Variants in CUL3 observed in about 807,000 individuals in gnomAD.
The protein encoded by CUL3 is cullin-3.
A neutral mutation model predicts 89.1 loss-of-function variants in CUL3; 19 were observed. That is an observed-to-expected ratio of 0.21 (90% CI 0.15 to 0.31). The LOEUF (loss-of-function observed/expected upper bound fraction) is 0.31, where lower values mean the gene tolerates loss of function less well. Among genes scored for constraint, CUL3 ranks in the 10% least tolerant of loss-of-function variants. The pLI is 1.00. For synonymous variants in CUL3, 351 were observed against 308.4 expected, an observed-to-expected ratio of 1.14 and a Z score of -1.45; for missense variants, 469 against 942.3, an observed-to-expected ratio of 0.50 and a Z score of 6.58.
At chr2:224,557,058 G>T (rs1694734582) in intron 2 of CUL3, among the ~76,000 whole-genome samples, 1 of 151,978 alleles carries the variant, frequency 6.6e-6, no homozygotes, top group African/African-American at 2.4e-5. Context: ...GCAAGGCATT[G>T]TAATAAAATT....
At chr2:224,480,190 T>C (rs1691481642) in intron 14 of CUL3, 1 of 152,378 alleles carries the variant, frequency 6.6e-6, no homozygotes, top group Non-Finnish European at 1.5e-5. Flanking sequence ...TTTCAAAGGC[T>C]GTGTTATTTT....
chr2:224,584,551 G>A (rs893849241), intron 1 of CUL3, among the ~76,000 whole-genome samples: 2 of 151,938 alleles, frequency 1.3e-5, no homozygotes, highest in Non-Finnish European at 1.5e-5. Flanking sequence ...GAAACCCCAC[G>A]TGAAAAGTTC....
At chr2:224,514,591 G>C (rs1206368159) in intron 4 of CUL3, 21 bp downstream of exon 4, 1 of 1,590,342 alleles carries the variant, frequency 6.3e-7, no homozygotes, top group Admixed American at 1.7e-5. Flanking sequence ...AAAACCACAA[G>C]AGTAAAGAGA....
chr2:224,517,799 AT>A (rs556739662), intron 3 of CUL3, among the ~76,000 whole-genome samples: 1 of 151,690 alleles, frequency 6.6e-6, no homozygotes, highest in African/African-American at 2.4e-5. Context: ...ATCCTTCTAG[AT>A]TTTTTTTTAC....
chr2:224,566,288 G>A (rs562033867), intron 1 of CUL3, among the ~76,000 whole-genome samples: 20 of 152,254 alleles, frequency 1.3e-4, no homozygotes, highest in Non-Finnish European at 2.2e-4. Flanking sequence ...CACTGTCCAG[G>A]CCAGGCCTTT....
chr2:224,478,137 CA>C (rs1691389964), intron 15 of CUL3, 62 bp downstream of exon 15: 1 of 1,466,500 alleles, frequency 6.8e-7, no homozygotes, highest in South Asian at 1.4e-5. Flanking sequence ...TAGTTGAATA[CA>C]ATAATTTTGT....
At chr2:224,566,794 C>T (rs922612167) in intron 1 of CUL3, among the ~76,000 whole-genome samples, 3 of 152,186 alleles carry the variant, frequency 2.0e-5, no homozygotes, top group Non-Finnish European at 4.4e-5. Flanking sequence ...ACTTTTCTTA[C>T]AGCAATCCTG....
At chr2:224,506,182 A>G in intron 7 of CUL3, 50 bp from the exon 8 acceptor site, 1 of 1,250,308 alleles carries the variant, frequency 8.0e-7, no homozygotes, top group Non-Finnish European at 1.1e-6. Flanking sequence ...TTTTTCCATA[A>G]ATAATACACT....
intron 10 of CUL3, 49 bp downstream of exon 10, chr2:224,502,916 C>T (rs1441895347): frequency 2.2e-6 from 3 of 1,343,944 alleles, no homozygotes; most frequent in Non-Finnish European, 3.2e-6. Flanking sequence ...ATACCCATTA[C>T]AAAAGACTTT....
At chr2:224,583,231 G>C (rs1574713255) in intron 1 of CUL3, among the ~76,000 whole-genome samples, 2 of 152,226 alleles carry the variant, frequency 1.3e-5, no homozygotes, top group Admixed American at 1.3e-4. Context: ...TACGAAATTA[G>C]CCCGGTGTGG....
intron 3 of CUL3, among the ~76,000 whole-genome samples, chr2:224,532,332 A>G (rs1243331358): frequency 1.3e-5 from 2 of 152,122 alleles, no homozygotes; most frequent in African/African-American, 4.8e-5. Flanking sequence ...GTAGTCATTG[A>G]AGGAGGAGGA....
Position 224,482,010 on chromosome 2 carries a change from A to T in CUL3, c.1911T>A (p.Gly637=). ...TTGTAAGAACCCGCTGTGTTGGTTT[A>T]CCACAGGCGAGGGACTGTAGGGCTC... ...LVRALQSLAC[G]KPTQRVLTKE... Residue 637 remains glycine, a synonymous_variant, in exon 14 of 16, where the codon GGT becomes GGA. Transcript: ENST00000264414. 6.2e-7 allele frequency: 1 copy of T among 1,609,224 alleles called. No individual in the cohort carries two copies. The highest frequency in any genetic ancestry group is 8.5e-7 in the Non-Finnish European group (1 of 1,178,120).
intron 9 of CUL3, 33 bp downstream of exon 9, chr2:224,503,619 G>A (rs2106196235): frequency 6.6e-7 from 1 of 1,504,828 alleles, no homozygotes; most frequent in Non-Finnish European, 8.9e-7. Context: ...ACCTCAGTTA[G>A]GTGCACTCTA....
rs182663889 is a variant in CUL3, at chr2:224,471,095, C to T, written c.*3150G>A. On this transcript the variant is annotated 3_prime_UTR_variant, in exon 16 of 16. Coordinates refer to ENST00000264414, the MANE Select transcript of CUL3 (RefSeq NM_003590.5). ...ATGTTAACATTTCTAATTATTTCTG[C>T]TTTGAGGACTAGAAATGACTTCTAA... 2.7e-5 allele frequency: 6 copies of T among 222,504 alleles called. No homozygotes were observed. The Admixed American group carries it at 2.9e-4, about 11-fold the overall frequency. 13.8% of individuals were successfully genotyped at this position (222,504 alleles called of 1,614,324 possible).
In CUL3 at chr2:224,585,104, G is replaced by GGGC. The variant is rs1208490752; in HGVS notation, c.-98_-96dup. ...GCAGGCAGGCTAGGGGCGACGCTGG[G>GGGC]GGCGGCGGCGGCGCGACCCCCGGGC... is the stretch of plus-strand genomic sequence containing the variant. On this transcript the variant is annotated 5_prime_UTR_variant, in exon 1 of 16. Coordinates refer to ENST00000264414, the MANE Select transcript of CUL3 (RefSeq NM_003590.5). 3.0e-6 allele frequency: 3 copies of GGGC among 1,001,600 alleles called. No individual in the cohort carries two copies. The highest frequency in any genetic ancestry group is 3.9e-5 in the South Asian group (2 of 51,368). The allele number at this position is 1,001,600 out of a possible 1,614,324, so 62.0% of individuals were successfully genotyped here. A position where few individuals can be genotyped will look rare whatever the true frequency, so the allele number is the denominator to read the frequency against.
rs1247621034 is a variant in CUL3 at position 224,503,748 on chromosome 2, T to C, written c.1281A>G (p.Val427=). 2 of 1,609,050 alleles carry C rather than the reference T, an allele frequency of 1.2e-6. No individual in the cohort carries two copies. Among genetic ancestry groups the C allele is most frequent in the African/African-American group, 2.7e-5 (2 of 74,752 alleles). The part of the protein sequence containing the change: ...VLFRFMQEKD[V]FERYYKQHLA... ...AGTGTTGTTTATAATAACGTTCAAA[T>C]ACATCTTTTTCTTGCATAAACCTAA... is the stretch of plus-strand genomic sequence containing the variant. The change falls in exon 9 of 16, where the codon GTA becomes GTG. Residue 427 remains valine, a synonymous_variant. Transcript: ENST00000264414.
chr2:224,546,939 T>C (rs1694325924), intron 2 of CUL3, among the ~76,000 whole-genome samples: 1 of 152,170 alleles, frequency 6.6e-6, no homozygotes, highest in Non-Finnish European at 1.5e-5. Flanking sequence ...TATTTATATT[T>C]AGGTCACTAT....
chr2:224,542,733 C>T (rs1694164821), intron 2 of CUL3, among the ~76,000 whole-genome samples: 1 of 152,088 alleles, frequency 6.6e-6, no homozygotes, highest in Non-Finnish European at 1.5e-5. Context: ...ATAATAAAAC[C>T]TGCTTAATGA....
At chr2:224,571,180 C>T (rs1050990991) in intron 1 of CUL3, among the ~76,000 whole-genome samples, 5 of 151,804 alleles carry the variant, frequency 3.3e-5, no homozygotes, top group Non-Finnish European at 7.4e-5. Context: ...ACATTTTATC[C>T]AAAAAACACA....
Sources: allele counts gnomAD v4.1 joint callset (sites outside exome capture counted in the v4.1 genomes callset), GRCh38; gene constraint gnomAD v4.1.1; transcripts MANE v1.5; gene names NCBI Gene and HGNC (gene_info 2026-07-23, HGNC 2026-07-21).